Variants in PRKCA observed in about 807,000 individuals in gnomAD.
The protein encoded by PRKCA is protein kinase C alpha.
PRKCA carries 27 observed loss-of-function variants against 87.0 expected under a neutral mutation model. The ratio of observed to expected loss-of-function variants is 0.31; its 90% CI spans 0.23 to 0.43. PRKCA has a LOEUF of 0.43. PRKCA is among the 20% of genes least tolerant of loss of function. The probability of loss-of-function intolerance (pLI) is 1.00; values close to 1 mark genes in which losing one functional copy is unlikely to be tolerated. For synonymous variants in PRKCA, 329 were observed against 311.1 expected, an observed-to-expected ratio of 1.06 and a Z score of -0.61; for missense variants, 518 against 852.3, an observed-to-expected ratio of 0.61 and a Z score of 4.88.
intron 8 of PRKCA, among the ~76,000 whole-genome samples, chr17:66,714,070 A>G (rs770277368): frequency 6.6e-6 from 1 of 152,042 alleles, no homozygotes; most frequent in Non-Finnish European, 1.5e-5. Context: ...CCATTGACAA[A>G]ACCTCTGTTC....
At chr17:66,783,814 G>A (rs532695823) in intron 14 of PRKCA, among the ~76,000 whole-genome samples, 21 of 152,186 alleles carry the variant, frequency 1.4e-4, no homozygotes, top group Non-Finnish European at 2.1e-4. Flanking sequence ...CCCCTGCAGC[G>A]TTCCTGCAGC....
At chr17:66,522,251 C>T (rs1215177055) in intron 3 of PRKCA, among the ~76,000 whole-genome samples, 15 of 152,220 alleles carry the variant, frequency 9.9e-5, no homozygotes. Flanking sequence ...GGGGCAAAGC[C>T]AGTGGAACCT....
At chr17:66,707,917 A>G (rs1304208120) in intron 8 of PRKCA, among the ~76,000 whole-genome samples, 1 of 152,190 alleles carries the variant, frequency 6.6e-6, no homozygotes, top group Non-Finnish European at 1.5e-5. Context: ...CACTGCTGAA[A>G]AGATTATGGC....
intron 5 of PRKCA, among the ~76,000 whole-genome samples, chr17:66,651,516 T>G (rs80270120): frequency 0.012 from 1,847 of 152,222 alleles, 32 homozygotes; most frequent in African/African-American, 0.042. Flanking sequence ...TTTGCACAGG[T>G]ACCTTTTGCA....
chr17:66,702,723 C>G (rs989333010), intron 8 of PRKCA, among the ~76,000 whole-genome samples: 1 of 152,122 alleles, frequency 6.6e-6, no homozygotes, highest in Non-Finnish European at 1.5e-5. Context: ...TGCCTCTATA[C>G]AGGGATGCCT....
chr17:66,797,710 C>G (rs1316197669), intron 16 of PRKCA, among the ~76,000 whole-genome samples: 1 of 152,194 alleles, frequency 6.6e-6, no homozygotes, highest in African/African-American at 2.4e-5. Context: ...CCCTCTGTGT[C>G]CCCACTTTCC....
intron 2 of PRKCA, among the ~76,000 whole-genome samples, chr17:66,349,765 C>T (rs1444258945): frequency 6.6e-6 from 1 of 152,122 alleles, no homozygotes; most frequent in Admixed American, 6.5e-5. Flanking sequence ...AACTGCTCTC[C>T]TCACTTGCAC....
At chr17:66,377,478 C>T (rs954470756) in intron 2 of PRKCA, among the ~76,000 whole-genome samples, 12 of 148,668 alleles carry the variant, frequency 8.1e-5, no homozygotes, top group Middle Eastern at 3.6e-3. Flanking sequence ...TATAGATATA[C>T]GTGTATATAT....
chr17:66,609,876 A>G (rs1970303526), intron 3 of PRKCA, among the ~76,000 whole-genome samples: 1 of 152,106 alleles, frequency 6.6e-6, no homozygotes, highest in South Asian at 2.1e-4. Context: ...TGTACTCTCA[A>G]CACAAAGTGC....
intron 2 of PRKCA, among the ~76,000 whole-genome samples, chr17:66,479,124 C>T (rs1214914536): frequency 6.6e-6 from 1 of 152,128 alleles, no homozygotes; most frequent in Non-Finnish European, 1.5e-5. Context: ...GCTATGCATT[C>T]AGCAAAGATC....
At chr17:66,785,214 G>A (rs886579318) in intron 14 of PRKCA, among the ~76,000 whole-genome samples, 1 of 152,104 alleles carries the variant, frequency 6.6e-6, no homozygotes, top group Non-Finnish European at 1.5e-5. Context: ...GTCAGGTCTC[G>A]GGTGTTGGAT....
intron 13 of PRKCA, among the ~76,000 whole-genome samples, chr17:66,745,692 A>C (rs924551214): frequency 2.0e-5 from 3 of 152,144 alleles, no homozygotes; most frequent in Non-Finnish European, 1.5e-5. Flanking sequence ...AAAATAAATA[A>C]ATAAATAAAT....
At chr17:66,357,052 G>A (rs577984763) in intron 2 of PRKCA, among the ~76,000 whole-genome samples, 1 of 152,164 alleles carries the variant, frequency 6.6e-6, no homozygotes, top group African/African-American at 2.4e-5. Flanking sequence ...GAGCCACCAC[G>A]CCCAGCCAAA....
chr17:66,318,206 A>G (rs1049677335), intron 2 of PRKCA, among the ~76,000 whole-genome samples: 1 of 152,254 alleles, frequency 6.6e-6, no homozygotes, highest in African/African-American at 2.4e-5. Context: ...TGAATGGCAC[A>G]TTAATATGGA....
intron 2 of PRKCA, among the ~76,000 whole-genome samples, chr17:66,424,569 AC>A (rs796227563): frequency 1.5e-3 from 6 of 4,078 alleles, no homozygotes; most frequent in South Asian, 0.023. Flanking sequence ...CCTGTCTCAA[AC>A]ACACACACAC....
intron 3 of PRKCA, among the ~76,000 whole-genome samples, chr17:66,558,398 G>A (rs1428850785): frequency 6.6e-6 from 1 of 152,238 alleles, no homozygotes; most frequent in Non-Finnish European, 1.5e-5. Context: ...GGGCTTTGCT[G>A]GGATGGGACC....
At chr17:66,389,499 A>G (rs1489173225) in intron 2 of PRKCA, among the ~76,000 whole-genome samples, 3 of 152,222 alleles carry the variant, frequency 2.0e-5, no homozygotes, top group African/African-American at 7.2e-5. Flanking sequence ...GAGAGACTGT[A>G]TTGAAAAATA....
intron 3 of PRKCA, among the ~76,000 whole-genome samples, chr17:66,569,260 G>A (rs1464708202): frequency 6.6e-6 from 1 of 152,140 alleles, no homozygotes; most frequent in African/African-American, 2.4e-5. Context: ...ACCTGTTAAA[G>A]GGCTTGTGTC....
intron 8 of PRKCA, among the ~76,000 whole-genome samples, chr17:66,694,435 C>T (rs547070524): frequency 2.3e-5 from 3 of 128,666 alleles, no homozygotes; most frequent in South Asian, 5.0e-4. Context: ...GAGCTGAGAT[C>T]GTGCCACTGC....
Sources: allele counts gnomAD v4.1 joint callset (sites outside exome capture counted in the v4.1 genomes callset), GRCh38; gene constraint gnomAD v4.1.1; transcripts MANE v1.5; gene names NCBI Gene and HGNC (gene_info 2026-07-23, HGNC 2026-07-21).